CTNNA3: variants seen among roughly 807,000 people sequenced by gnomAD.
CTNNA3 encodes the protein catenin alpha 3.
CTNNA3 carries 76 observed loss-of-function variants against 95.7 expected under a neutral mutation model. The ratio of observed to expected loss-of-function variants is 0.79; its 90% confidence interval spans 0.66 to 0.96. The LOEUF (loss-of-function observed/expected upper bound fraction) is 0.96, where lower values mean the gene tolerates loss of function less well. Ranked by LOEUF, CTNNA3 falls within the 40% of genes least tolerant of loss-of-function variation. The probability of loss-of-function intolerance (pLI) is 0.00; values close to 1 mark genes in which losing one functional copy is unlikely to be tolerated. For synonymous variants in CTNNA3, 431 were observed against 374.4 expected, an observed-to-expected ratio of 1.15 and a Z score of -1.74; for missense variants, 1,191 against 1,089.8, an observed-to-expected ratio of 1.09 and a Z score of -1.31.
intron 5 of CTNNA3, among the ~76,000 whole-genome samples, chr10:67,329,947 C>T (rs1467249017): frequency 6.6e-6 from 1 of 152,220 alleles, no homozygotes; most frequent in Non-Finnish European, 1.5e-5. Flanking sequence ...TGGCCTTATC[C>T]TCATAGTCCA....
chr10:67,705,722 T>C (rs2133607222), intron 1 of CTNNA3, among the ~76,000 whole-genome samples: 1 of 149,750 alleles, frequency 6.7e-6, no homozygotes, highest in East Asian at 2.0e-4. Flanking sequence ...GGCACATGTA[T>C]ACATATGTAA....
intron 9 of CTNNA3, among the ~76,000 whole-genome samples, chr10:66,647,511 C>CCT (rs1845747646): frequency 6.8e-6 from 1 of 146,486 alleles, no homozygotes; most frequent in Non-Finnish European, 1.5e-5. Context: ...AAAAATTACT[C>CCT]TTTTTTTTTT....
rs561364672 is a variant in CTNNA3, at chr10:66,383,196, G to C, written c.1532-3844C>G. The stretch of plus-strand genomic sequence containing the variant: ...CCATTGCAAGGAAGCTAAAAACCTT[G>C]AAAAAAGATTAGATGAATGGCTAAC... On this transcript the variant is annotated intron_variant, in intron 11 of 17. Transcript: ENST00000433211. Among the ~76,000 whole-genome samples the C allele has an allele frequency of 1.6e-4, 25 of 152,136 alleles. 2 individuals are homozygous for C. In the South Asian group the frequency reaches 4.8e-3, roughly 29 times the overall value.
chr10:66,535,613 A>T (rs1290919733), intron 10 of CTNNA3, among the ~76,000 whole-genome samples: 1 of 152,198 alleles, frequency 6.6e-6, no homozygotes, highest in African/African-American at 2.4e-5. Context: ...TGCACTCCAT[A>T]ATGCAGGCCA....
intron 15 of CTNNA3, among the ~76,000 whole-genome samples, chr10:66,008,573 C>A (rs907337313): frequency 1.3e-5 from 2 of 152,082 alleles, no homozygotes; most frequent in Non-Finnish European, 2.9e-5. Context: ...CAGAATAGAG[C>A]CTTTACATGC....
chr10:67,454,358 T>C (rs1847093753), intron 5 of CTNNA3, among the ~76,000 whole-genome samples: 1 of 152,154 alleles, frequency 6.6e-6, no homozygotes, highest in Non-Finnish European at 1.5e-5. Flanking sequence ...TTCCTCTATA[T>C]GATAAACATG....
intron 9 of CTNNA3, among the ~76,000 whole-genome samples, chr10:66,656,415 T>C (rs1846075705): frequency 6.6e-6 from 1 of 152,098 alleles, no homozygotes; most frequent in Admixed American, 6.5e-5. Flanking sequence ...AGAATGATTT[T>C]TGTAGCCATG....
intron 15 of CTNNA3, among the ~76,000 whole-genome samples, chr10:66,003,998 C>T (rs2133372142): frequency 6.6e-6 from 1 of 152,290 alleles, no homozygotes; most frequent in East Asian, 1.9e-4. Flanking sequence ...GTCCTATAAA[C>T]AAGAAAACAG....
chr10:66,876,518 CTT>C (rs1435904630), intron 7 of CTNNA3, among the ~76,000 whole-genome samples: 1 of 152,084 alleles, frequency 6.6e-6, no homozygotes, highest in Non-Finnish European at 1.5e-5. Flanking sequence ...ATTAGAATGA[CTT>C]TTGTCAAGAA....
chr10:66,299,545 T>C (rs987191281), intron 12 of CTNNA3, among the ~76,000 whole-genome samples: 1 of 152,160 alleles, frequency 6.6e-6, no homozygotes, highest in African/African-American at 2.4e-5. Context: ...GCACCATGAG[T>C]GGGAAGGAAA....
chr10:67,094,299 C>T (rs996522351), intron 7 of CTNNA3, among the ~76,000 whole-genome samples: 6 of 151,658 alleles, frequency 4.0e-5, no homozygotes, highest in African/African-American at 4.8e-5. Flanking sequence ...GATATTCTAA[C>T]GAAATAAGTA....
intron 5 of CTNNA3, among the ~76,000 whole-genome samples, chr10:67,433,598 A>G (rs1457961348): frequency 6.6e-6 from 1 of 152,054 alleles, no homozygotes; most frequent in Non-Finnish European, 1.5e-5. Context: ...GTTTCTTTGT[A>G]TTGCCTTTAT....
intron 3 of CTNNA3, 70 bp downstream of exon 3, chr10:67,606,787 C>A: frequency 3.2e-6 from 4 of 1,259,968 alleles, no homozygotes; most frequent in Non-Finnish European, 4.4e-6. Flanking sequence ...AAAACACTCA[C>A]AAATCTAATT....
intron 15 of CTNNA3, among the ~76,000 whole-genome samples, chr10:66,061,240 A>G (rs1312455305): frequency 6.6e-6 from 1 of 152,162 alleles, no homozygotes; most frequent in Admixed American, 6.6e-5. Flanking sequence ...AACTGTGCAC[A>G]AATGACTAGA....
intron 1 of CTNNA3, among the ~76,000 whole-genome samples, chr10:67,673,971 T>C (rs1288921136): frequency 6.6e-6 from 1 of 151,688 alleles, no homozygotes; most frequent in Non-Finnish European, 1.5e-5. Context: ...GTTTCGGTAA[T>C]AGCCAACTCT....
At position 67,744,452 on chromosome 10, in the gene CTNNA3, G is replaced by A. The variant is rs1841361864; in HGVS notation, c.-2+18982C>T. 1.3e-5 allele frequency among the ~76,000 whole-genome samples: 2 copies of A among 151,300 alleles called. 1 individual carries two copies. Among genetic ancestry groups the A allele is most frequent in the Non-Finnish European group, 3.0e-5 (2 of 67,718 alleles). On this transcript the variant is annotated intron_variant, in intron 1 of 17. Transcript: ENST00000684154. ...TGCTGGGAAAACTGGCTAGCCATAT[G>A]TAGAAAGCTGAAACTGGATCCCTTC...
intron 7 of CTNNA3, among the ~76,000 whole-genome samples, chr10:67,168,435 A>G (rs1861875264): frequency 6.6e-6 from 1 of 152,200 alleles, no homozygotes; most frequent in South Asian, 2.1e-4. Flanking sequence ...ATAATCCACC[A>G]TGATCAAGTA....
intron 7 of CTNNA3, among the ~76,000 whole-genome samples, chr10:67,148,793 A>T (rs976807447): frequency 1.3e-5 from 2 of 152,242 alleles, no homozygotes; most frequent in Non-Finnish European, 2.9e-5. Context: ...AGCTTGCAGT[A>T]AGCATTACTG....
chr10:65,979,401 C>T (rs2078274124), intron 16 of CTNNA3, among the ~76,000 whole-genome samples: 2 of 152,130 alleles, frequency 1.3e-5, no homozygotes, highest in Non-Finnish European at 2.9e-5. Flanking sequence ...GTGTCACCCT[C>T]TCCCTCATGC....
Sources: allele counts gnomAD v4.1 joint callset (sites outside exome capture counted in the v4.1 genomes callset), GRCh38; gene constraint gnomAD v4.1.1; transcripts MANE v1.5; gene names NCBI Gene and HGNC (gene_info 2026-07-23, HGNC 2026-07-21).